The following DSC3 variants were observed in gnomAD, a reference collection of about 807,000 sequenced individuals.
DSC3 encodes desmocollin 3, also known as desmocollin-3.
Under a neutral mutation model 89.5 loss-of-function variants are expected in DSC3, and 97 were observed. The observed-to-expected ratio is 1.08, with a 90% CI of 0.92 to 1.28. The LOEUF is 1.28. Ranked by LOEUF, DSC3 falls within the 50% of genes most tolerant of loss-of-function variation. DSC3 has a pLI of 0.00. For missense variants in DSC3, 1,199 were observed against 1,085.3 expected, an observed-to-expected ratio of 1.10 and a Z score of -1.47; for synonymous variants, 436 against 384.1, an observed-to-expected ratio of 1.14 and a Z score of -1.58.
chr18:31,011,362 T>G (rs2144697467), intron 9 of DSC3, among the ~76,000 whole-genome samples: 1 of 152,330 alleles, frequency 6.6e-6, no homozygotes, highest in South Asian at 2.1e-4. Context: ...AAGGAGACGC[T>G]AACTAGTAAG....
At chr18:31,032,842 C>T (rs1379045998) in intron 1 of DSC3, among the ~76,000 whole-genome samples, 1 of 151,834 alleles carries the variant, frequency 6.6e-6, no homozygotes, top group Non-Finnish European at 1.5e-5. Flanking sequence ...AGGAAAATTA[C>T]ACAAGAAAAT....
Position 31,008,423 on chromosome 18 carries a change from C to T in DSC3, c.1366G>A (p.Ala456Thr). The T allele has an allele frequency of 1.2e-6, 2 of 1,614,166 alleles. No homozygotes were observed. The highest frequency in any genetic ancestry group is 1.6e-4 in the Middle Eastern group (1 of 6,062). ...DIPRVTALNR[A>T]LVTVHVRDLD... ...TCCCTCACATGAACTGTAACCAAGG[C>T]TCTGTTCAAGGCTGTCACTCTGGGA... is the stretch of plus-strand genomic sequence containing the variant. Residue 456 changes from alanine to threonine, a missense_variant, in exon 10 of 16, where the codon GCC becomes ACC. Physicochemically the swap from Ala to Thr is moderately conservative, Grantham distance 58. Transcript: ENST00000360428.
rs368092446 is a variant in DSC3 at position 30,994,173 on chromosome 18, C to G, written c.*2G>C. 1 of 1,613,242 alleles carries G rather than the reference C, an allele frequency of 6.2e-7. No homozygotes were observed. The highest frequency in any genetic ancestry group is 1.3e-5 in the African/African-American group (1 of 74,880). ...CAAAGACCTAATTGTAGCACTGTGA[C>G]ATTATCTCTTTGTGCATGCTTCTGC... On this transcript the variant is annotated 3_prime_UTR_variant, in exon 16 of 16. Coordinates refer to ENST00000360428, the MANE Select transcript of DSC3 (RefSeq NM_001941.5).
rs148675988 is a variant in DSC3, at chr18:31,031,043, G to T, written c.284C>A (p.Thr95Asn). The T allele has an allele frequency of 6.2e-7, 1 of 1,613,952 alleles. No homozygotes were observed. Among genetic ancestry groups the T allele is most frequent in the South Asian group, 1.1e-5 (1 of 91,078 alleles). ...VALSDKKRSFTIWLSDKRKQT... is the reference protein window; with the variant it reads ...VALSDKKRSFNIWLSDKRKQT... ...TTTCCTTTTGTCAGAAAGCCATATG[G>T]TAAATGATCTTTTCTTATCAGACAG... The change falls in exon 3 of 16, where the codon ACC becomes AAC. Residue 95 changes from threonine to asparagine, a missense_variant. By Grantham distance (65) the Thr-to-Asn change is moderately conservative. Transcript: ENST00000360428.
At chr18:30,997,384 GGAGAGGGA>G (rs986461842) in intron 14 of DSC3, among the ~76,000 whole-genome samples, 19 of 152,100 alleles carry the variant, frequency 1.2e-4, no homozygotes, top group Non-Finnish European at 2.6e-4. Context: ...CGAGTGAGAG[GGAGAGGGA>G]GAGAGGGAGA....
intron 1 of DSC3, among the ~76,000 whole-genome samples, chr18:31,040,096 G>A (rs1005168904): frequency 2.0e-5 from 3 of 152,040 alleles, no homozygotes; most frequent in Admixed American, 6.6e-5. Flanking sequence ...AAATTTGGAT[G>A]CCTATTTATC....
In DSC3 at chr18:30,994,365, T is replaced by C. The variant is rs890995400; in HGVS notation, c.2501A>G (p.His834Arg). 1 of 1,613,738 alleles carries C rather than the reference T, an allele frequency of 6.2e-7. No homozygotes were observed. The highest frequency in any genetic ancestry group is 8.5e-7 in the Non-Finnish European group (1 of 1,179,830). ...GCGGTCTTCATTCTGATTACATCGA[T>C]GCAATTTCTGTAAAATTTTTTAAAA... Reference protein sequence around the residue: ...FTQPRLGEKLHRCNQNEDRMP... With the variant: ...FTQPRLGEKLRRCNQNEDRMP... The change falls in exon 16 of 16, where the codon CAT (histidine) becomes CGT (arginine). Residue 834 changes from histidine (H) to arginine (R), a missense_variant. His to Arg is a conservative substitution (Grantham distance 29). Coordinates refer to ENST00000360428, the MANE Select transcript of DSC3 (RefSeq NM_001941.5).
Position 31,042,588 on chromosome 18 carries a change from T to C in DSC3, c.69+4A>G, listed in dbSNP as rs1195009590. 2 of 1,550,250 alleles carry C rather than the reference T, an allele frequency of 1.3e-6. No individual in the cohort carries two copies. The highest frequency in any genetic ancestry group is 1.2e-5 in the South Asian group (1 of 84,070). On this transcript the variant is annotated splice_donor_region_variant and intron_variant, in intron 1 of 15. Transcript: ENST00000360428. The stretch of plus-strand genomic sequence containing the variant: ...CCAGCCCTATCCGGCGAGATCTGGC[T>C]TACCACGAGGGTCAGCAGCAGATGC...
At chr18:31,028,243 C>A (rs1985665662) in intron 4 of DSC3, among the ~76,000 whole-genome samples, 2 of 151,976 alleles carry the variant, frequency 1.3e-5, no homozygotes, top group African/African-American at 4.8e-5. Context: ...TGAGGAAGAT[C>A]CAGCCAAACA....
At chr18:31,033,821 A>T (rs180885687) in intron 1 of DSC3, among the ~76,000 whole-genome samples, 6 of 152,114 alleles carry the variant, frequency 3.9e-5, no homozygotes, top group South Asian at 2.1e-4. Context: ...CTCATAGAAT[A>T]GTTTTGTTTT....
intron 9 of DSC3, among the ~76,000 whole-genome samples, chr18:31,013,491 A>T (rs190538670): frequency 2.6e-5 from 4 of 152,272 alleles, no homozygotes. Context: ...TGGAGGTCAA[A>T]AACCAACACA....
At chr18:31,009,769 A>T (rs949856525) in intron 9 of DSC3, among the ~76,000 whole-genome samples, 2 of 152,232 alleles carry the variant, frequency 1.3e-5, no homozygotes, top group African/African-American at 2.4e-5. Context: ...AAACGGGAAA[A>T]GGAGATAAAC....
At chr18:31,008,235 C>T in intron 10 of DSC3, 34 bp downstream of exon 10, 6 of 1,611,322 alleles carry the variant, frequency 3.7e-6, no homozygotes, top group Non-Finnish European at 5.1e-6. Flanking sequence ...ATTACAAATA[C>T]ATTATTAGTA....
Position 31,024,422 on chromosome 18 carries a change from C to G in DSC3, c.702G>C (p.Glu234Asp), listed in dbSNP as rs1267528385. The G allele has an allele frequency of 6.2e-7, 1 of 1,611,480 alleles. No homozygotes were observed. Among genetic ancestry groups the G allele is most frequent in the Non-Finnish European group, 8.5e-7 (1 of 1,178,442 alleles). The change falls in exon 6 of 16, where the codon GAG (glutamate) becomes GAC (aspartate). Residue 234 changes from glutamate (E) to aspartate (D), a missense_variant. Physicochemically the swap from Glu to Asp is conservative, Grantham distance 45. Coordinates refer to ENST00000360428, the MANE Select transcript of DSC3 (RefSeq NM_001941.5). ...AAACAGGGTGGTTGTCATTTTCATCCTCTACCCTGATGGGTAGTGGGAGGG... is the reference window on the plus strand; with the variant it reads ...AAACAGGGTGGTTGTCATTTTCATCGTCTACCCTGATGGGTAGTGGGAGGG... ...DLPLPLPIRV[E>D]DENDNHPVFT... is the part of the protein sequence containing the mutation.
intron 5 of DSC3, among the ~76,000 whole-genome samples, chr18:31,025,143 C>G (rs959717013): frequency 5.3e-5 from 8 of 152,146 alleles, no homozygotes; most frequent in African/African-American, 1.9e-4. Context: ...CAGAATCTCT[C>G]TTTCCGAAAA....
At chr18:31,012,305 G>A (rs535160032) in intron 9 of DSC3, among the ~76,000 whole-genome samples, 4 of 152,310 alleles carry the variant, frequency 2.6e-5, no homozygotes, top group South Asian at 2.1e-4. Flanking sequence ...TGCAAGAAGA[G>A]AAGATCCTCT....
In DSC3 at chr18:31,025,693, C is replaced by T. The variant is rs1598547253; in HGVS notation, c.630+67G>A. 4.0e-6 allele frequency: 6 copies of T among 1,494,296 alleles called. No homozygotes were observed. The East Asian group carries it at 1.4e-4, about 34-fold the overall frequency. 92.6% of individuals were successfully genotyped at this position (1,494,296 alleles called of 1,614,324 possible). A position where few individuals can be genotyped will look rare whatever the true frequency, so the allele number is the denominator to read the frequency against. On this transcript the variant is annotated intron_variant, in intron 5 of 15. Coordinates refer to ENST00000360428, the MANE Select transcript of DSC3 (RefSeq NM_001941.5). ...AATGCAAGGAGAGAGGAAAGAGTAGCTGGAGTAAGCATCAGAAGAAACATA... is the reference window on the plus strand; with the variant it reads ...AATGCAAGGAGAGAGGAAAGAGTAGTTGGAGTAAGCATCAGAAGAAACATA...
At chr18:31,015,001 TA>T (rs1416315356) in intron 9 of DSC3, among the ~76,000 whole-genome samples, 1 of 152,164 alleles carries the variant, frequency 6.6e-6, no homozygotes, top group African/African-American at 2.4e-5. Flanking sequence ...ATATGAAAAC[TA>T]TGTACAACTT....
chr18:30,992,681 C>T lies in DSC3; in HGVS notation c.*1494G>A, dbSNP rs1984310261. The stretch of plus-strand genomic sequence containing the variant: ...ACTTGGGCTGCTTTCTCCCAAAGTT[C>T]CCTCTGTTCTAAAATGACAACTTGA... On this transcript the variant is annotated 3_prime_UTR_variant, in exon 16 of 16. Coordinates refer to ENST00000360428, the MANE Select transcript of DSC3 (RefSeq NM_001941.5). 6.6e-6 allele frequency: 1 copy of T among 152,250 alleles called. No homozygotes were observed. Among genetic ancestry groups the T allele is most frequent in the Non-Finnish European group, 1.5e-5 (1 of 68,046 alleles). The allele number at this position is 152,250 out of a possible 1,614,324, so 9.4% of individuals were successfully genotyped here. A position where few individuals can be genotyped will look rare whatever the true frequency, so the allele number is the denominator to read the frequency against.
Sources: allele counts gnomAD v4.1 joint callset (sites outside exome capture counted in the v4.1 genomes callset), GRCh38; gene constraint gnomAD v4.1.1; transcripts MANE v1.5; gene names NCBI Gene and HGNC (gene_info 2026-07-23, HGNC 2026-07-21).